GOLGA3: variants seen among roughly 807,000 people sequenced by gnomAD.
GOLGA3 encodes golgin subfamily A member 3.
Under a neutral mutation model 169.4 loss-of-function variants are expected in GOLGA3, and 75 were observed. That is an observed-to-expected ratio of 0.44 (90% CI 0.37 to 0.54). The LOEUF (loss-of-function observed/expected upper bound fraction) is 0.54. Ranked by LOEUF, GOLGA3 falls within the 20% of genes least tolerant of loss-of-function variation. The pLI is 0.00. For synonymous variants in GOLGA3, 824 were observed against 822.4 expected (o/e 1.00, Z -0.03); for missense variants, 1,899 against 1,930.0 (o/e 0.98, Z 0.30).
At chr12:132,785,453 G>A (rs2045845890) in intron 15 of GOLGA3, among the ~76,000 whole-genome samples, 2 of 152,124 alleles carry the variant, frequency 1.3e-5, no homozygotes, top group Non-Finnish European at 2.9e-5. Flanking sequence ...TGTGTCCACA[G>A]GCACGTGCTA....
rs776640460 is a variant in GOLGA3, at chr12:132,786,468, G to A, written c.2994C>T (p.Ala998=). The A allele has an allele frequency of 6.8e-6, 11 of 1,613,688 alleles. No homozygotes were observed. The African/African-American group carries it at 9.3e-5, about 14-fold the overall frequency. Residue 998 remains alanine, a synonymous_variant, in exon 15 of 24, where the codon GCC becomes GCT. Coordinates refer to ENST00000450791, the MANE Select transcript of GOLGA3 (RefSeq NM_001389683.1). ...AQKEMKTKHK[A]YENAVGILSR... is the part of the protein sequence containing the mutation. ...TGAGGATGCCCACGGCGTTCTCGTA[G>A]GCCTTATGTTTGGTCTTCATCTCCT...
chr12:132,780,119 G>GCACA (rs1566074351), intron 18 of GOLGA3, among the ~76,000 whole-genome samples: 8 of 23,488 alleles, frequency 3.4e-4, no homozygotes, highest in Non-Finnish European at 9.4e-4. Context: ...AGCCCCCCGC[G>GCACA]TGCACACACC....
chr12:132,821,659 CTT>C (rs1950219647), intron 2 of GOLGA3, among the ~76,000 whole-genome samples: 1 of 151,954 alleles, frequency 6.6e-6, no homozygotes, highest in African/African-American at 2.4e-5. Context: ...TCGAGACCAT[CTT>C]GGCTAACACG....
rs776999817 is a variant in GOLGA3, at chr12:132,777,658, G to A, written c.3722+8C>T. ...ATGTTTGAGGGCTGGCGGGGCCCAG[G>A]CACTCACTGAAGGTCGTCGGCCTCG... On this transcript the variant is annotated splice_region_variant and intron_variant, in intron 19 of 23. Transcript: ENST00000450791. The surrounding 1 kb of genome is among the most constrained non-coding windows in gnomAD (Gnocchi z 4.7). 3 of 1,613,706 alleles carry A rather than the reference G, an allele frequency of 1.9e-6. No individual in the cohort carries two copies. The highest frequency in any genetic ancestry group is 2.2e-5 in the South Asian group (2 of 91,056).
intron 8 of GOLGA3, among the ~76,000 whole-genome samples, chr12:132,799,455 T>C (rs1177391653): frequency 6.6e-6 from 1 of 152,126 alleles, no homozygotes. Flanking sequence ...TTAGGCAACA[T>C]AGCGAGACCC....
chr12:132,821,302 G>A (rs956657014), intron 2 of GOLGA3, among the ~76,000 whole-genome samples: 2 of 151,840 alleles, frequency 1.3e-5, no homozygotes, highest in African/African-American at 4.8e-5. Flanking sequence ...AGCTACTCGG[G>A]AGGCTGAGGC....
At chr12:132,783,575 T>C (rs540486325) in intron 16 of GOLGA3, among the ~76,000 whole-genome samples, 3 of 61,964 alleles carry the variant, frequency 4.8e-5, no homozygotes, top group Non-Finnish European at 7.5e-5. Context: ...GAACCTGAGA[T>C]ATCTGACGTT....
rs553964743 is a variant in GOLGA3, at chr12:132,808,814, A to G, written c.520-265T>C. Among the ~76,000 whole-genome samples the G allele has an allele frequency of 6.6e-4, 100 of 152,250 alleles. 2 individuals are homozygous for G. In the South Asian group the frequency reaches 0.02, roughly 30 times the overall value. ...AGTGACTGTGACCTCAACACGTTTA[A>G]AACACATCCCAGCAAGTACCTCCTC... On this transcript the variant is annotated intron_variant, in intron 4 of 23. Coordinates refer to ENST00000450791, the MANE Select transcript of GOLGA3 (RefSeq NM_001389683.1).
At position 132,826,273 on chromosome 12, in the gene GOLGA3, A is replaced by G. The variant is rs1027194303; in HGVS notation, c.-184+2530T>C. On this transcript the variant is annotated intron_variant, in intron 1 of 23. Transcript: ENST00000450791. ...AAAAAAAAAAAGAAACTGGAAGAGC[A>G]GCATCACGGCCACGGCCCAGACAGG... The G allele has an allele frequency of 5.4e-6, 6 of 1,117,390 alleles. No homozygotes were observed. The African/African-American group carries it at 9.5e-5, about 18-fold the overall frequency. The allele number at this position is 1,117,390 out of a possible 1,614,324, so 69.2% of individuals were successfully genotyped here.
chr12:132,813,529 A>C, intron 3 of GOLGA3, 110 bp from the exon 4 acceptor site: 1 of 596,764 alleles, frequency 1.7e-6, no homozygotes, highest in South Asian at 2.0e-5. Context: ...CTTTACACCT[A>C]AACAATGCAC....
chr12:132,788,860 G>A (rs1250555119), intron 13 of GOLGA3, among the ~76,000 whole-genome samples, 167 bp downstream of exon 13: 1 of 150,830 alleles, frequency 6.6e-6, no homozygotes, highest in African/African-American at 2.4e-5. Context: ...GTTCCCAGCT[G>A]TTCTTCCAAA....
chr12:132,812,002 C>CA (rs71076477), intron 4 of GOLGA3, among the ~76,000 whole-genome samples: 14,460 of 39,786 alleles, frequency 0.36, 3,287 homozygotes, highest in Middle Eastern at 0.57. Context: ...CTCCGTCTCT[C>CA]AAAAAAAAAA....
chr12:132,825,867 T>C (rs1220470099), intron 1 of GOLGA3: 3 of 978,138 alleles, frequency 3.1e-6, no homozygotes, highest in South Asian at 1.3e-5. Context: ...GGCACCTACA[T>C]TGACAAGAAA....
At position 132,775,325 on chromosome 12, in the gene GOLGA3, ATT is replaced by A; in HGVS notation, c.3979-22_3979-21del. On this transcript the variant is annotated intron_variant, in intron 21 of 23. Transcript: ENST00000450791. ...GACGTTCTGTGGAAAATGAAGTCAG[ATT>A]TTTAAAAGCTAACAGATCTTAAACA... The A allele has an allele frequency of 6.3e-7, 1 of 1,591,230 alleles. No homozygotes were observed. Among genetic ancestry groups the A allele is most frequent in the Non-Finnish European group, 8.6e-7 (1 of 1,168,508 alleles).
rs1404367811 is a variant in GOLGA3 at position 132,804,638 on chromosome 12, C to T, written c.1597+78G>A. 6.6e-6 allele frequency: 8 copies of T among 1,216,314 alleles called. No individual in the cohort carries two copies. The highest frequency in any genetic ancestry group is 4.0e-5 in the South Asian group (3 of 74,286). 75.3% of individuals were successfully genotyped at this position (1,216,314 alleles called of 1,614,324 possible). On this transcript the variant is annotated intron_variant, in intron 7 of 23. Transcript: ENST00000450791. This position sits in a 1 kb window ranked among gnomAD's most constrained non-coding sequence, Gnocchi z 4.1. ...CAGTCAGGGAAGGAGGAGGGCGTGG[C>T]GGGGGCCAGTCGAGGAAGGAGGAGG...
At chr12:132,778,795 T>G (rs1378906642) in intron 18 of GOLGA3, among the ~76,000 whole-genome samples, 1 of 150,576 alleles carries the variant, frequency 6.6e-6, no homozygotes, top group Admixed American at 6.6e-5. Context: ...CTGGGGAGGC[T>G]GAGGCAGGAG....
At chr12:132,795,079 T>G (rs930689428) in intron 11 of GOLGA3, among the ~76,000 whole-genome samples, 1 of 148,262 alleles carries the variant, frequency 6.7e-6, no homozygotes, top group Non-Finnish European at 1.5e-5. Flanking sequence ...CCTAGCTACT[T>G]GGGAGACTGA....
In GOLGA3 at chr12:132,773,303, GAA is replaced by G; in HGVS notation, c.4308-11_4308-10del. 11 of 1,142,954 alleles carry G rather than the reference GAA, an allele frequency of 9.6e-6. No homozygotes were observed. Among genetic ancestry groups the G allele is most frequent in the South Asian group, 1.7e-5 (1 of 58,588 alleles). 70.8% of individuals were successfully genotyped at this position (1,142,954 alleles called of 1,614,324 possible). A position where few individuals can be genotyped will look rare whatever the true frequency, so the allele number is the denominator to read the frequency against. ...GGCTGTCCATCTCCTGCCTGGGACA[GAA>G]GAAGGAGGAAGAAGGCCCAGATCAC... On this transcript the variant is annotated splice_polypyrimidine_tract_variant and intron_variant, in intron 23 of 23. Transcript: ENST00000450791.
chr12:132,788,426 G>C (rs370535942), intron 13 of GOLGA3, among the ~76,000 whole-genome samples: 1 of 152,268 alleles, frequency 6.6e-6, no homozygotes, highest in South Asian at 2.1e-4. Context: ...GTCTGGACAG[G>C]ATCCTGGACT....
Sources: gnomAD v4.1 joint callset for allele counts (sites outside exome capture counted in the v4.1 genomes callset) on GRCh38, gnomAD v4.1.1 for gene constraint, Gnocchi (gnomAD v3.1) non-coding constraint, MANE v1.5 for transcripts, NCBI Gene and HGNC (gene_info 2026-07-23, HGNC 2026-07-21) for gene names.